The following ATRX variants were observed in gnomAD, a reference collection of about 807,000 sequenced individuals.
ATRX encodes the protein ATRX chromatin remodeler.
ATRX carries 12 observed loss-of-function variants against 172.6 expected under a neutral mutation model. The observed-to-expected ratio is 0.07, with a 90% confidence interval of 0.04 to 0.11. The LOEUF is 0.11. Among genes scored for constraint, ATRX ranks in the 10% least tolerant of loss-of-function variants. ATRX has a pLI of 1.00. For missense variants in ATRX, 1,368 were observed against 1,767.4 expected (o/e 0.77, Z 4.05); for synonymous variants, 674 against 594.7 (o/e 1.13, Z -1.94).
intron 30 of ATRX, among the ~76,000 whole-genome samples, chrX:77,528,565 G>A (rs782183974): frequency 5.9e-5 from 4 of 68,170 alleles, no homozygotes; most frequent in African/African-American, 1.5e-4. Context: ...GTAGGGTGGC[G>A]TGATTGTTAA....
In ATRX at chrX:77,678,137, C is replaced by T. The variant is rs2070995368; in HGVS notation, c.3737-1839G>A. 3.7e-5 allele frequency among the ~76,000 whole-genome samples: 4 copies of T among 108,566 alleles called. 1 individual carries two copies. In the Admixed American group the frequency reaches 4.0e-4, roughly 11 times the overall value. 94.3% of individuals were successfully genotyped at this position (108,566 alleles called of 115,157 possible). A position where few individuals can be genotyped will look rare whatever the true frequency, so the allele number is the denominator to read the frequency against. On this transcript the variant is annotated intron_variant, in intron 9 of 34. Transcript: ENST00000373344. ...ATGAGAATCGCTTGAACCCGGAAGG[C>T]AGAGGTTGCAGTGAGCAGGGATTGC...
intron 1 of ATRX, among the ~76,000 whole-genome samples, chrX:77,785,082 G>GA (rs1557206996): frequency 3.6e-5 from 4 of 111,641 alleles, no homozygotes; most frequent in Non-Finnish European, 7.5e-5. Flanking sequence ...GAAGCACACA[G>GA]AAAAACAGCT....
In ATRX at chrX:77,682,393, T is replaced by C. The variant is rs781805894; in HGVS notation, c.2863A>G (p.Lys955Glu). The part of the protein sequence containing the change: ...KSKHLKTKTC[K>E]KVQDGLSDIA... ...TCAGATAAGCCATCCTGTACTTTTT[T>C]ACATGTTTTGGTTTTGAGATGCTTG... The change falls in exon 9 of 35, where the codon AAA (lysine) becomes GAA (glutamate). Residue 955 changes from lysine (K) to glutamate (E), a missense_variant. Lys to Glu is a moderately conservative substitution (Grantham distance 56). Coordinates refer to ENST00000373344, the MANE Select transcript of ATRX (RefSeq NM_000489.6). 1 of 1,211,866 alleles carries C rather than the reference T, an allele frequency of 8.3e-7. No individual in the cohort carries two copies. The highest frequency in any genetic ancestry group is 1.1e-6 in the Non-Finnish European group (1 of 895,476).
chrX:77,783,316 T>C (rs782345779), intron 1 of ATRX, among the ~76,000 whole-genome samples: 1 of 112,183 alleles, frequency 8.9e-6, no homozygotes, highest in African/African-American at 3.2e-5. Context: ...TTGGTGATTA[T>C]AAAAGACCTT....
chrX:77,688,474 G>C (rs1295899539), intron 7 of ATRX, among the ~76,000 whole-genome samples: 1 of 111,454 alleles, frequency 9.0e-6, no homozygotes. Context: ...AACACACCAA[G>C]CTCTCCCTCA....
At chrX:77,767,152 T>C (rs1461034288) in intron 1 of ATRX, among the ~76,000 whole-genome samples, 2 of 109,196 alleles carry the variant, frequency 1.8e-5, no homozygotes, top group African/African-American at 6.6e-5. Flanking sequence ...GAGGTTGCAG[T>C]GAGCCGAGAT....
At chrX:77,522,567 T>C in intron 31 of ATRX, 179 bp from the exon 32 acceptor site, 1 of 518,431 alleles carries the variant, frequency 1.9e-6, no homozygotes, top group Non-Finnish European at 3.2e-6. Flanking sequence ...AGGAAAGCTT[T>C]AACCCCTAAA....
intron 30 of ATRX, among the ~76,000 whole-genome samples, chrX:77,554,787 C>T (rs782745790): frequency 8.9e-6 from 1 of 112,235 alleles, no homozygotes; most frequent in East Asian, 2.8e-4. Flanking sequence ...CACATCAGCA[C>T]TTCATTCTTT....
At chrX:77,545,515 A>G (rs2064204427) in intron 30 of ATRX, among the ~76,000 whole-genome samples, 1 of 110,965 alleles carries the variant, frequency 9.0e-6, no homozygotes, top group African/African-American at 3.3e-5. Context: ...AAATATTAGG[A>G]AAAAAAAATA....
At chrX:77,610,372 C>T (rs1388121777) in intron 22 of ATRX, among the ~76,000 whole-genome samples, 1 of 111,783 alleles carries the variant, frequency 8.9e-6, no homozygotes, top group Non-Finnish European at 1.9e-5. Context: ...ATAAGACACA[C>T]ATCCAAAGAC....
chrX:77,672,701 A>G (rs2070689424), intron 10 of ATRX, among the ~76,000 whole-genome samples: 1 of 110,618 alleles, frequency 9.0e-6, no homozygotes, highest in Non-Finnish European at 1.9e-5. Flanking sequence ...AAAAAAAAGC[A>G]TTTAGTCGCA....
chrX:77,716,073 C>T (rs1440016116), intron 2 of ATRX, among the ~76,000 whole-genome samples: 1 of 101,401 alleles, frequency 9.9e-6, no homozygotes, highest in Non-Finnish European at 2.0e-5. Context: ...AAGTCCAAGA[C>T]CAGTCTGGAC....
At chrX:77,509,921 G>C (rs782244708) in intron 34 of ATRX, among the ~76,000 whole-genome samples, 3 of 80,090 alleles carry the variant, frequency 3.7e-5, no homozygotes, top group Non-Finnish European at 4.8e-5. Context: ...CGGGGGGGGG[G>C]GGCACATGAC....
chrX:77,551,144 C>T (rs960838599), intron 30 of ATRX, among the ~76,000 whole-genome samples: 2 of 110,685 alleles, frequency 1.8e-5, no homozygotes, highest in African/African-American at 6.6e-5. Flanking sequence ...CCAAAAAAGA[C>T]CCCGCATTGC....
At chrX:77,705,691 T>C (rs924275319) in intron 2 of ATRX, among the ~76,000 whole-genome samples, 8 of 112,006 alleles carry the variant, frequency 7.1e-5, no homozygotes, top group Middle Eastern at 4.6e-3. Context: ...CTCAGAAACA[T>C]AGTGAAACCT....
chrX:77,707,914 A>G (rs930413252), intron 2 of ATRX, among the ~76,000 whole-genome samples: 8 of 112,504 alleles, frequency 7.1e-5, no homozygotes, highest in Non-Finnish European at 1.5e-4. Context: ...CTAGAATCAA[A>G]AAGTCTGTTA....
At chrX:77,691,696 A>T (rs1168307847) in intron 6 of ATRX, among the ~76,000 whole-genome samples, 1 of 111,166 alleles carries the variant, frequency 9.0e-6, no homozygotes, top group Non-Finnish European at 1.9e-5. Flanking sequence ...GTAATACAAG[A>T]AAGTTTACAT....
At chrX:77,581,717 T>A (rs1602639940) in intron 27 of ATRX, among the ~76,000 whole-genome samples, 1 of 112,325 alleles carries the variant, frequency 8.9e-6, no homozygotes, top group East Asian at 2.8e-4. Context: ...GAATATTTCA[T>A]CCAACAGCTA....
chrX:77,671,050 A>G (rs1397554727), intron 10 of ATRX, among the ~76,000 whole-genome samples: 8 of 97,443 alleles, frequency 8.2e-5, no homozygotes, highest in African/African-American at 3.0e-4. Context: ...CAGGAGGCTG[A>G]GGCAGGAGAA....
Sources: gnomAD v4.1 joint callset for allele counts (sites outside exome capture counted in the v4.1 genomes callset) on GRCh38, gnomAD v4.1.1 for gene constraint, MANE v1.5 for transcripts, NCBI Gene and HGNC (gene_info 2026-07-23, HGNC 2026-07-21) for gene names.